DNAJC16: variants seen among roughly 807,000 people sequenced by gnomAD.
DNAJC16 encodes dnaJ homolog subfamily C member 16.
DNAJC16 carries 76 observed loss-of-function variants against 92.7 expected under a neutral mutation model. The observed-to-expected ratio is 0.82, with a 90% CI of 0.68 to 0.99. DNAJC16 has a LOEUF of 0.99. Ranked by LOEUF, DNAJC16 falls within the 50% of genes least tolerant of loss-of-function variation. The pLI is 0.00. For synonymous variants in DNAJC16, 328 were observed against 358.7 expected, an observed-to-expected ratio of 0.91 and a Z score of 0.97; for missense variants, 869 against 942.4, an observed-to-expected ratio of 0.92 and a Z score of 1.02.
rs1710524939 is a variant in DNAJC16, at chr1:15,526,884, T to G, written c.-93T>G. The G allele has an allele frequency of 6.6e-6, 1 of 152,438 alleles. No homozygotes were observed. The highest frequency in any genetic ancestry group is 1.5e-5 in the Non-Finnish European group (1 of 68,162). The allele number at this position is 152,438 out of a possible 1,614,324, so 9.4% of individuals were successfully genotyped here. Reference sequence around the variant, plus strand: ...CCCCAGGCCCAGGCGAGCGCTGGTGTGGACGGGAAGCTCCCGGCCCGGCGA... The same window carrying G: ...CCCCAGGCCCAGGCGAGCGCTGGTGGGGACGGGAAGCTCCCGGCCCGGCGA... On this transcript the variant is annotated 5_prime_UTR_variant, in exon 1 of 15. Coordinates refer to ENST00000375847, the MANE Select transcript of DNAJC16 (RefSeq NM_015291.4).
rs903166606 is a variant in DNAJC16, at chr1:15,570,982, A to G, written c.*2805A>G. On this transcript the variant is annotated 3_prime_UTR_variant, in exon 15 of 15. Coordinates refer to ENST00000375847, the MANE Select transcript of DNAJC16 (RefSeq NM_015291.4). ...AGCAGATGGGGTAAAACTGGCCTAA[A>G]ACAAGTCTTTGCAGAATACATGCCA... The G allele has an allele frequency of 3.9e-5, 6 of 151,942 alleles. No individual in the cohort carries two copies. The highest frequency in any genetic ancestry group is 1.4e-4 in the African/African-American group (6 of 41,386). The allele number at this position is 151,942 out of a possible 1,614,324, so 9.4% of individuals were successfully genotyped here. A position where few individuals can be genotyped will look rare whatever the true frequency, so the allele number is the denominator to read the frequency against.
chr1:15,538,612 G>C (rs1161895943), intron 4 of DNAJC16, among the ~76,000 whole-genome samples: 1 of 152,138 alleles, frequency 6.6e-6, no homozygotes, highest in African/African-American at 2.4e-5. Flanking sequence ...AGCTACTCGG[G>C]AGGCTGAGGC....
At chr1:15,567,397 T>C (rs1240817546) in intron 14 of DNAJC16, 128 bp downstream of exon 14, 15 of 980,282 alleles carry the variant, frequency 1.5e-5, no homozygotes, top group Non-Finnish European at 1.9e-5. Flanking sequence ...GGCTGTGACC[T>C]TTCCAATCCA....
intron 14 of DNAJC16, among the ~76,000 whole-genome samples, 176 bp downstream of exon 14, chr1:15,567,445 C>T (rs1248662314): frequency 3.3e-5 from 5 of 152,226 alleles, no homozygotes; most frequent in Non-Finnish European, 7.3e-5. Flanking sequence ...TCTTTTCCCA[C>T]TTCACTTCGT....
intron 7 of DNAJC16, among the ~76,000 whole-genome samples, chr1:15,553,391 G>A (rs1019183800): frequency 4.0e-5 from 6 of 151,286 alleles, no homozygotes; most frequent in African/African-American, 1.2e-4. Context: ...ACTCCACCAC[G>A]CCCAGCTAAT....
chr1:15,548,541 G>T (rs1638366336), intron 7 of DNAJC16, 113 bp downstream of exon 7: 2 of 1,052,502 alleles, frequency 1.9e-6, no homozygotes, highest in Non-Finnish European at 2.6e-6. Context: ...TCCTTCAGAT[G>T]CACAAAATTT....
At chr1:15,527,968 A>AAATT (rs1710559410) in intron 1 of DNAJC16, among the ~76,000 whole-genome samples, 1 of 152,268 alleles carries the variant, frequency 6.6e-6, no homozygotes. Context: ...TTCATTAACC[A>AAATT]GCCAGGATTA....
chr1:15,528,763 T>C (rs1710583317), intron 1 of DNAJC16, among the ~76,000 whole-genome samples: 1 of 152,232 alleles, frequency 6.6e-6, no homozygotes, highest in African/African-American at 2.4e-5. Context: ...TCGTCCTGAT[T>C]ATCCTATTTA....
intron 7 of DNAJC16, among the ~76,000 whole-genome samples, chr1:15,552,848 A>T (rs1429110670): frequency 6.7e-6 from 1 of 149,744 alleles, no homozygotes; most frequent in Non-Finnish European, 1.5e-5. Context: ...ACTCACTGCA[A>T]CCTCCGCCTC....
At chr1:15,555,978 C>T (rs1440037694) in intron 7 of DNAJC16, among the ~76,000 whole-genome samples, 6 of 130,468 alleles carry the variant, frequency 4.6e-5, no homozygotes, top group East Asian at 2.2e-4. Flanking sequence ...GCAACAAGAG[C>T]GAAACTCCAT....
In DNAJC16 at chr1:15,567,819, A is replaced by G; in HGVS notation, c.1991A>G (p.His664Arg). 1 of 1,614,182 alleles carries G rather than the reference A, an allele frequency of 6.2e-7. No individual in the cohort carries two copies. Among genetic ancestry groups the G allele is most frequent in the Non-Finnish European group, 8.5e-7 (1 of 1,180,012 alleles). ...TTCTCCTTCCTGAGTCTAGATAAACACAGAGAATGGCTAGAATACTTACTA... is the reference window on the plus strand; with the variant it reads ...TTCTCCTTCCTGAGTCTAGATAAACGCAGAGAATGGCTAGAATACTTACTA... The part of the protein sequence containing the change: ...LHFSFLSLDK[H>R]REWLEYLLEF... Residue 664 changes from histidine (H) to arginine (R), a missense_variant, in exon 15 of 15, where the codon CAC becomes CGC. Coordinates refer to ENST00000375847, the MANE Select transcript of DNAJC16 (RefSeq NM_015291.4).
At position 15,568,030 on chromosome 1, in the gene DNAJC16, C is replaced by T. The variant is rs796086864; in HGVS notation, c.2202C>T (p.Tyr734=). ...GCAGTGATGTTGACTCTTCCCTCTA[C>T]CTGGGTGAATCTCGAGGGAAACCTT... ...GSCSDVDSSL[Y]LGESRGKPSC... is the part of the protein sequence containing the mutation. Residue 734 remains tyrosine, a synonymous_variant, in exon 15 of 15, where the codon TAC becomes TAT. Coordinates refer to ENST00000375847, the MANE Select transcript of DNAJC16 (RefSeq NM_015291.4). 1.9e-6 allele frequency: 3 copies of T among 1,614,178 alleles called. No homozygotes were observed. The African/African-American group carries it at 4.0e-5, about 22-fold the overall frequency.
At chr1:15,536,368 C>T (rs577559556) in intron 3 of DNAJC16, 107 bp from the exon 4 acceptor site, 40 of 942,844 alleles carry the variant, frequency 4.2e-5, no homozygotes, top group Middle Eastern at 3.3e-4. Context: ...GTGTGAGCCA[C>T]CACGACTGGC....
chr1:15,552,214 G>A (rs944466754), intron 7 of DNAJC16, among the ~76,000 whole-genome samples: 2 of 151,574 alleles, frequency 1.3e-5, no homozygotes, highest in Admixed American at 6.6e-5. Context: ...TTGGCCAGGC[G>A]TGGTGACTCA....
intron 4 of DNAJC16, 26 bp downstream of exon 4, chr1:15,536,840 ATAT>A: frequency 6.4e-7 from 1 of 1,560,392 alleles, no homozygotes; most frequent in Non-Finnish European, 8.7e-7. Flanking sequence ...TCACTGAAAG[ATAT>A]TTATATAGAT....
chr1:15,559,696 A>G (rs1421298655), intron 8 of DNAJC16, 40 bp downstream of exon 8: 7 of 1,605,026 alleles, frequency 4.4e-6, no homozygotes. Flanking sequence ...TTATTACAAT[A>G]GAAGGATCAT....
chr1:15,559,720 A>T, intron 8 of DNAJC16, 64 bp downstream of exon 8: 2 of 1,583,766 alleles, frequency 1.3e-6, no homozygotes, highest in Non-Finnish European at 1.7e-6. Flanking sequence ...TCATTTTACT[A>T]TAGGGTGACT....
rs1438617609 is a variant in DNAJC16, at chr1:15,564,338, A to T, written c.1577A>T (p.Asp526Val). 6.2e-7 allele frequency: 1 copy of T among 1,609,348 alleles called. No homozygotes were observed. The highest frequency in any genetic ancestry group is 8.5e-7 in the Non-Finnish European group (1 of 1,175,730). Residue 526 changes from aspartate (D) to valine (V), a missense_variant, in exon 11 of 15, where the codon GAT becomes GTT. Asp to Val is a radical substitution (Grantham distance 152). Transcript: ENST00000375847. ...TCTGACTACATCTCAGACTGCTGGG[A>T]TAGCATTTTTCACAACAACTGGTAG... ...SASDYISDCW[D>V]SIFHNNWREM...
At position 15,566,176 on chromosome 1, in the gene DNAJC16, A is replaced by G; in HGVS notation, c.1774A>G (p.Ser592Gly). Reference protein sequence around the residue: ...KTEPSFTKENSSKIPKKGFVE... With the variant: ...KTEPSFTKENGSKIPKKGFVE... ...TGAGCCAAGCTTCACCAAAGAAAAC[A>G]GCAGGTTTCTCTAACAAAACACCAG... Residue 592 changes from serine to glycine, a missense_variant, in exon 13 of 15, where the codon AGC becomes GGC. Coordinates refer to ENST00000375847, the MANE Select transcript of DNAJC16 (RefSeq NM_015291.4). The G allele has an allele frequency of 6.2e-7, 1 of 1,613,614 alleles. No individual in the cohort carries two copies. The highest frequency in any genetic ancestry group is 8.5e-7 in the Non-Finnish European group (1 of 1,179,756).
Sources: allele counts gnomAD v4.1 joint callset (sites outside exome capture counted in the v4.1 genomes callset), GRCh38; gene constraint gnomAD v4.1.1; transcripts MANE v1.5; gene names NCBI Gene and HGNC (gene_info 2026-07-23, HGNC 2026-07-21).